The following AUTS2 variants were observed in gnomAD, a reference collection of about 807,000 sequenced individuals.
The protein encoded by AUTS2 is autism susceptibility gene 2 protein.
In AUTS2, 17 loss-of-function variants were observed where a neutral mutation model predicts 112.4. The ratio of observed to expected loss-of-function variants is 0.15; its 90% CI spans 0.10 to 0.23. AUTS2 has a LOEUF of 0.23. Among genes scored for constraint, AUTS2 ranks in the 10% least tolerant of loss-of-function variants. AUTS2 has a pLI of 1.00. For synonymous variants in AUTS2, 751 were observed against 702.7 expected (o/e 1.07, Z -1.09); for missense variants, 1,510 against 1,701.6 (o/e 0.89, Z 1.98).
chr7:70,507,795 T>C (rs1799024651), intron 5 of AUTS2, among the ~76,000 whole-genome samples: 1 of 151,878 alleles, frequency 6.6e-6, no homozygotes, highest in Non-Finnish European at 1.5e-5. Context: ...AGACTCTGTC[T>C]CAAAAAAATA....
chr7:70,163,197 TC>T (rs1271456426), intron 4 of AUTS2, among the ~76,000 whole-genome samples: 1 of 151,664 alleles, frequency 6.6e-6, no homozygotes, highest in Non-Finnish European at 1.5e-5. Context: ...ACAGCATAGT[TC>T]ATATGTTTAA....
At chr7:70,206,366 T>C (rs1440648614) in intron 4 of AUTS2, among the ~76,000 whole-genome samples, 2 of 152,076 alleles carry the variant, frequency 1.3e-5, no homozygotes, top group Admixed American at 1.3e-4. Flanking sequence ...TTTCTATCTG[T>C]TTTTTGTTTT....
intron 4 of AUTS2, among the ~76,000 whole-genome samples, chr7:70,320,674 G>A (rs1178483936): frequency 6.6e-6 from 1 of 152,172 alleles, no homozygotes; most frequent in African/African-American, 2.4e-5. Flanking sequence ...GATAGGCAAG[G>A]CAGAGGTAAG....
intron 2 of AUTS2, among the ~76,000 whole-genome samples, chr7:70,085,963 G>A (rs112659361): frequency 1.3e-5 from 2 of 152,174 alleles, no homozygotes; most frequent in African/African-American, 4.8e-5. Flanking sequence ...GAAAACATGT[G>A]TACTGCAAAG....
intron 1 of AUTS2, among the ~76,000 whole-genome samples, chr7:69,604,089 C>G (rs1284074443): frequency 6.6e-6 from 1 of 152,170 alleles, no homozygotes; most frequent in Non-Finnish European, 1.5e-5. Context: ...CCAATTGGAG[C>G]TTTATAGGCT....
At chr7:69,667,982 C>T (rs1796148308) in intron 1 of AUTS2, among the ~76,000 whole-genome samples, 1 of 152,218 alleles carries the variant, frequency 6.6e-6, no homozygotes, top group Non-Finnish European at 1.5e-5. Flanking sequence ...ACCACCAAGT[C>T]TAATAATCCT....
intron 1 of AUTS2, among the ~76,000 whole-genome samples, chr7:69,883,118 G>A (rs147042058): frequency 1.3e-3 from 202 of 152,172 alleles, no homozygotes; most frequent in African/African-American, 4.5e-3. Context: ...GCCAGTTCTC[G>A]GACTCAGATG....
intron 4 of AUTS2, among the ~76,000 whole-genome samples, chr7:70,239,655 G>A (rs1056349293): frequency 6.6e-6 from 1 of 152,046 alleles, no homozygotes; most frequent in Non-Finnish European, 1.5e-5. Flanking sequence ...GGCTGGTCTT[G>A]AACTCCTGAC....
At chr7:69,784,444 CT>C (rs1242559743) in intron 1 of AUTS2, among the ~76,000 whole-genome samples, 2 of 152,194 alleles carry the variant, frequency 1.3e-5, no homozygotes, top group Non-Finnish European at 2.9e-5. Context: ...TTGCCTTTTC[CT>C]TGTTGGTGTT....
At chr7:69,767,779 A>G (rs1021017425) in intron 1 of AUTS2, among the ~76,000 whole-genome samples, 1 of 152,168 alleles carries the variant, frequency 6.6e-6, no homozygotes, top group Non-Finnish European at 1.5e-5. Flanking sequence ...TAAGGTTTAT[A>G]TTTCAGACCA....
intron 2 of AUTS2, among the ~76,000 whole-genome samples, chr7:69,982,044 G>A (rs1309646494): frequency 6.6e-6 from 1 of 152,136 alleles, no homozygotes; most frequent in Non-Finnish European, 1.5e-5. Context: ...GGACTCGTAG[G>A]CACCAACACA....
intron 4 of AUTS2, among the ~76,000 whole-genome samples, chr7:70,207,970 C>T (rs1810654730): frequency 7.6e-6 from 1 of 132,108 alleles, no homozygotes; most frequent in Non-Finnish European, 1.5e-5. Context: ...GAGATTGCGC[C>T]ATTGCACTCC....
intron 2 of AUTS2, among the ~76,000 whole-genome samples, chr7:69,981,623 A>G (rs749313241): frequency 1.2e-4 from 18 of 152,312 alleles, no homozygotes; most frequent in Non-Finnish European, 2.4e-4. Context: ...AGTACACACT[A>G]TCAGCGCTTA....
At chr7:70,444,373 T>TGTGTGTGTGTGA (rs372696006) in intron 5 of AUTS2, among the ~76,000 whole-genome samples, 10 of 142,442 alleles carry the variant, frequency 7.0e-5, no homozygotes, top group African/African-American at 1.6e-4. Flanking sequence ...TGTGTGTGTG[T>TGTGTGTGTGTGA]GAGAGAGAGA....
chr7:69,632,586 C>T (rs546141660), intron 1 of AUTS2, among the ~76,000 whole-genome samples: 1 of 144,366 alleles, frequency 6.9e-6, no homozygotes, highest in Non-Finnish European at 1.5e-5. Flanking sequence ...TCTCCCCTCT[C>T]CCCTCTGCCT....
chr7:70,150,596 T>C (rs1267341983), intron 4 of AUTS2, among the ~76,000 whole-genome samples: 1 of 152,198 alleles, frequency 6.6e-6, no homozygotes, highest in East Asian at 1.9e-4. Context: ...CTAAGCTTAC[T>C]GTGTGGCACA....
At chr7:70,309,819 G>C (rs546834655) in intron 4 of AUTS2, among the ~76,000 whole-genome samples, 1 of 152,166 alleles carries the variant, frequency 6.6e-6, no homozygotes, top group African/African-American at 2.4e-5. Context: ...GCACATCAGC[G>C]CTTCAGTGAT....
chr7:70,267,826 A>G (rs1448814235), intron 4 of AUTS2, among the ~76,000 whole-genome samples: 6 of 152,328 alleles, frequency 3.9e-5, no homozygotes, highest in Non-Finnish European at 7.3e-5. Flanking sequence ...AAAGATTCCA[A>G]TAACCCAGCA....
chr7:70,066,246 T>C (rs1802485984), intron 2 of AUTS2, among the ~76,000 whole-genome samples: 1 of 152,234 alleles, frequency 6.6e-6, no homozygotes, highest in Admixed American at 6.5e-5. Context: ...GAACTTACTT[T>C]TGACTACCTT....
Sources: allele counts gnomAD v4.1 joint callset (sites outside exome capture counted in the v4.1 genomes callset), GRCh38; gene constraint gnomAD v4.1.1; transcripts MANE v1.5; gene names NCBI Gene and HGNC (gene_info 2026-07-23, HGNC 2026-07-21).